Variants in DNAJC1 observed in about 807,000 individuals in gnomAD.
The protein encoded by DNAJC1 is DnaJ heat shock protein family (Hsp40) member C1.
In DNAJC1, 58 loss-of-function variants were observed where a neutral mutation model predicts 76.6. The ratio of observed to expected loss-of-function variants is 0.76; its 90% confidence interval spans 0.61 to 0.94. The LOEUF is 0.94. Among genes scored for constraint, DNAJC1 ranks in the 40% least tolerant of loss-of-function variants. The probability of loss-of-function intolerance (pLI) is 0.00; values close to 1 mark genes in which losing one functional copy is unlikely to be tolerated. For missense variants in DNAJC1, 689 were observed against 677.3 expected, an observed-to-expected ratio of 1.02 and a Z score of -0.19; for synonymous variants, 258 against 267.9, an observed-to-expected ratio of 0.96 and a Z score of 0.36.
chr10:21,759,710 G>A (rs1834219167), intron 10 of DNAJC1, 92 bp from the exon 11 acceptor site: 20 of 1,201,764 alleles, frequency 1.7e-5, no homozygotes, highest in Non-Finnish European at 2.0e-5. Flanking sequence ...AGCAGGCAGC[G>A]CACTAGGCAT....
At chr10:21,887,612 A>AT (rs1836387875) in intron 7 of DNAJC1, among the ~76,000 whole-genome samples, 2 of 152,200 alleles carry the variant, frequency 1.3e-5, no homozygotes, top group Non-Finnish European at 2.9e-5. Flanking sequence ...CTTTTGACAA[A>AT]GCTGATAAAA....
chr10:21,896,209 C>A (rs1347604640), intron 7 of DNAJC1, among the ~76,000 whole-genome samples: 3 of 152,166 alleles, frequency 2.0e-5, no homozygotes, highest in African/African-American at 7.2e-5. Context: ...CACCAGCATG[C>A]AACTTCAGCC....
intron 10 of DNAJC1, among the ~76,000 whole-genome samples, chr10:21,765,013 G>A (rs1834281972): frequency 6.6e-6 from 1 of 152,126 alleles, no homozygotes; most frequent in Non-Finnish European, 1.5e-5. Context: ...CAAGCTCCAG[G>A]AAGATCTACG....
At chr10:21,866,582 A>T (rs1044961421) in intron 8 of DNAJC1, among the ~76,000 whole-genome samples, 1 of 152,132 alleles carries the variant, frequency 6.6e-6, no homozygotes, top group Admixed American at 6.5e-5. Flanking sequence ...TGACACATAC[A>T]TTATCTCAAC....
intron 6 of DNAJC1, among the ~76,000 whole-genome samples, chr10:21,905,800 GACTA>G (rs761775041): frequency 2.6e-5 from 4 of 152,046 alleles, no homozygotes; most frequent in African/African-American, 4.8e-5. Flanking sequence ...GGGGCCTGAT[GACTA>G]ACTAAGGTGA....
chr10:21,960,021 G>A (rs1414516979), intron 1 of DNAJC1, among the ~76,000 whole-genome samples: 2 of 152,170 alleles, frequency 1.3e-5, no homozygotes, highest in South Asian at 4.2e-4. Flanking sequence ...ACCACAATGG[G>A]CCAAGCCACT....
At chr10:21,816,541 C>CTTTT (rs1356219712) in intron 8 of DNAJC1, among the ~76,000 whole-genome samples, 1 of 147,288 alleles carries the variant, frequency 6.8e-6, no homozygotes, top group African/African-American at 2.5e-5. Flanking sequence ...CACTGTCTCT[C>CTTTT]TCTCTTTTTT....
intron 7 of DNAJC1, among the ~76,000 whole-genome samples, chr10:21,884,848 G>A (rs2131724661): frequency 6.6e-6 from 1 of 152,202 alleles, no homozygotes; most frequent in Middle Eastern, 3.4e-3. Flanking sequence ...TGCAAGTGAT[G>A]TCTTTTTAAA....
chr10:21,816,981 C>T (rs186895629), intron 8 of DNAJC1, among the ~76,000 whole-genome samples: 2 of 146,732 alleles, frequency 1.4e-5, no homozygotes, highest in Non-Finnish European at 3.0e-5. Context: ...AGTGAAACCC[C>T]GTCTCTACTA....
At chr10:21,892,807 A>C (rs538493456) in intron 7 of DNAJC1, among the ~76,000 whole-genome samples, 1 of 152,302 alleles carries the variant, frequency 6.6e-6, no homozygotes, top group South Asian at 2.1e-4. Flanking sequence ...GACATTATAT[A>C]ATGATAAAAA....
chr10:21,860,565 G>A (rs537014823), intron 8 of DNAJC1, among the ~76,000 whole-genome samples: 14 of 152,092 alleles, frequency 9.2e-5, no homozygotes, highest in East Asian at 3.9e-4. Flanking sequence ...ATGGTGGTGC[G>A]CACCTGTAAC....
chr10:21,983,152 T>C (rs1328053134), intron 1 of DNAJC1, among the ~76,000 whole-genome samples: 23 of 152,194 alleles, frequency 1.5e-4, no homozygotes, highest in Non-Finnish European at 2.9e-5. Context: ...CTCAAACAGA[T>C]ACTTGTATAC....
intron 6 of DNAJC1, among the ~76,000 whole-genome samples, chr10:21,907,137 C>G (rs1447490181): frequency 6.6e-6 from 1 of 152,118 alleles, no homozygotes; most frequent in Non-Finnish European, 1.5e-5. Flanking sequence ...CTAAAACTTC[C>G]TCTTTGAAAT....
intron 9 of DNAJC1, among the ~76,000 whole-genome samples, chr10:21,786,627 C>T (rs1834614967): frequency 6.6e-6 from 1 of 151,860 alleles, no homozygotes; most frequent in South Asian, 2.1e-4. Context: ...CAGGCGTGCG[C>T]CACCACACCG....
At chr10:21,973,572 A>T (rs958787797) in intron 1 of DNAJC1, among the ~76,000 whole-genome samples, 1 of 152,184 alleles carries the variant, frequency 6.6e-6, no homozygotes, top group Non-Finnish European at 1.5e-5. Flanking sequence ...TGCTGAAATG[A>T]GCTGTATCAG....
At chr10:21,825,231 A>G (rs1178898628) in intron 8 of DNAJC1, among the ~76,000 whole-genome samples, 1 of 152,210 alleles carries the variant, frequency 6.6e-6, no homozygotes, top group Non-Finnish European at 1.5e-5. Flanking sequence ...CCCTGTCTCT[A>G]GTCTCTGGAA....
At chr10:21,816,295 G>T (rs1835073742) in intron 8 of DNAJC1, among the ~76,000 whole-genome samples, 1 of 151,906 alleles carries the variant, frequency 6.6e-6, no homozygotes, top group Non-Finnish European at 1.5e-5. Context: ...AAGAGGAGGA[G>T]GTTGTAATGA....
At chr10:21,847,457 A>G (rs77563248) in intron 8 of DNAJC1, among the ~76,000 whole-genome samples, 4,762 of 152,254 alleles carry the variant, frequency 0.031, 125 homozygotes, top group Middle Eastern at 0.065. Flanking sequence ...TCCAAATCTT[A>G]TCTTCTAGCT....
chr10:21,871,270 T>C (rs1465249826), intron 8 of DNAJC1, among the ~76,000 whole-genome samples: 2 of 149,090 alleles, frequency 1.3e-5, no homozygotes, highest in African/African-American at 2.5e-5. Context: ...GCTGCGCACA[T>C]ACTCAGGAAA....
Sources: gnomAD v4.1 joint callset for allele counts (sites outside exome capture counted in the v4.1 genomes callset) on GRCh38, gnomAD v4.1.1 for gene constraint, MANE v1.5 for transcripts, NCBI Gene and HGNC (gene_info 2026-07-23, HGNC 2026-07-21) for gene names.